GCNT2: variants seen among roughly 807,000 people sequenced by gnomAD.
GCNT2 encodes the protein glucosaminyl (N-acetyl) transferase 2 (I blood group).
In GCNT2, 34 loss-of-function variants were observed where a neutral mutation model predicts 34.2. The observed-to-expected ratio is 1.00, with a 90% CI of 0.76 to 1.32. GCNT2 has a LOEUF of 1.32. Ranked by LOEUF, GCNT2 falls within the 40% of genes most tolerant of loss-of-function variation. The pLI, the probability that GCNT2 is intolerant of heterozygous loss-of-function variation, is 0.00. For synonymous variants in GCNT2, 212 were observed against 188.0 expected (o/e 1.13, Z -1.04); for missense variants, 584 against 489.4 (o/e 1.19, Z -1.82).
At chr6:10,541,985 T>C (rs1480373309) in intron 3 of GCNT2, among the ~76,000 whole-genome samples, 2 of 152,120 alleles carry the variant, frequency 1.3e-5, no homozygotes, top group Non-Finnish European at 2.9e-5. Context: ...TAGGGAGCTT[T>C]ATATCTTTGC....
intron 3 of GCNT2, among the ~76,000 whole-genome samples, chr6:10,531,058 G>A (rs1257657474): frequency 1.7e-4 from 23 of 136,276 alleles, no homozygotes; most frequent in South Asian, 2.3e-4. Flanking sequence ...AAAAAAAAAA[G>A]ATTTCTAGAC....
intron 3 of GCNT2, among the ~76,000 whole-genome samples, chr6:10,570,968 C>T (rs573206373): frequency 2.0e-4 from 30 of 152,194 alleles, no homozygotes; most frequent in Non-Finnish European, 3.7e-4. Flanking sequence ...TAAACCAAGC[C>T]TCTCAGGTAC....
At chr6:10,606,039 G>T (rs1765298070) in intron 3 of GCNT2, among the ~76,000 whole-genome samples, 1 of 152,186 alleles carries the variant, frequency 6.6e-6, no homozygotes, top group Admixed American at 6.5e-5. Context: ...CTTTGGCCAG[G>T]TGCGGTGGCT....
At chr6:10,538,017 C>T (rs754203363) in intron 3 of GCNT2, among the ~76,000 whole-genome samples, 7 of 152,084 alleles carry the variant, frequency 4.6e-5, no homozygotes, top group African/African-American at 1.7e-4. Flanking sequence ...AGTATCCTAC[C>T]GCACCTCGTT....
intron 3 of GCNT2, among the ~76,000 whole-genome samples, chr6:10,613,211 C>G (rs187319331): frequency 2.6e-4 from 39 of 152,264 alleles, no homozygotes; most frequent in Non-Finnish European, 5.0e-4. Context: ...TTCAAAGAAT[C>G]ATGTTTAACA....
rs776850375 is a variant in GCNT2 at position 10,529,556 on chromosome 6, C to G, written c.645C>G (p.Ile215Met). ...QYLKGFKGKN[I>M]TPGVLPPDHA... ...TGAAGGGATTTAAAGGGAAAAATATCACCCCCGGAGTGCTGCCTCCTGACC... is the reference window on the plus strand; with the variant it reads ...TGAAGGGATTTAAAGGGAAAAATATGACCCCCGGAGTGCTGCCTCCTGACC... Residue 215 changes from isoleucine to methionine, a missense_variant, in exon 3 of 5, where the codon ATC becomes ATG. Transcript: ENST00000495262. The G allele has an allele frequency of 6.2e-7, 1 of 1,614,178 alleles. No homozygotes were observed. The highest frequency in any genetic ancestry group is 1.7e-5 in the Admixed American group (1 of 60,028).
intron 3 of GCNT2, among the ~76,000 whole-genome samples, chr6:10,582,185 ATTT>A (rs1271408453): frequency 7.7e-6 from 1 of 129,746 alleles, no homozygotes; most frequent in Non-Finnish European, 1.5e-5. Flanking sequence ...TATAAAATAT[ATTT>A]TTATATAATA....
intron 3 of GCNT2, among the ~76,000 whole-genome samples, chr6:10,538,408 CAAAAAAAA>C (rs70991023): frequency 6.7e-4 from 27 of 40,176 alleles, no homozygotes; most frequent in African/African-American, 2.2e-3. Flanking sequence ...GACTCCGTCT[CAAAAAAAA>C]AAAAAAAAAA....
At chr6:10,557,245 T>G (rs1468166204) in intron 3 of GCNT2, 8 of 1,600,136 alleles carry the variant, frequency 5.0e-6, no homozygotes, top group Non-Finnish European at 6.8e-6. Flanking sequence ...TTGCCAACTT[T>G]GTTCTGCATG....
chr6:10,567,434 G>A (rs1763333255), intron 3 of GCNT2, among the ~76,000 whole-genome samples: 1 of 152,158 alleles, frequency 6.6e-6, no homozygotes, highest in South Asian at 2.1e-4. Flanking sequence ...TCCAGCCCTG[G>A]CAACAGAGCA....
At chr6:10,620,754 T>G (rs1766001517) in intron 3 of GCNT2, among the ~76,000 whole-genome samples, 2 of 152,208 alleles carry the variant, frequency 1.3e-5, no homozygotes, top group South Asian at 4.1e-4. Context: ...CTTCAATCTC[T>G]ATGACCTATC....
rs148665139 is a variant in GCNT2 at position 10,586,328 on chromosome 6, C to G, written c.926-35023C>G. ...AGGACTTTGACACCTTTGAAAGGCT[C>G]TTTAGGGCTATCTATATGCCCCAAA... On this transcript the variant is annotated intron_variant, in intron 3 of 4. Coordinates refer to ENST00000495262, the MANE Select transcript of GCNT2 (RefSeq NM_145649.5). 1.0e-4 allele frequency: 165 copies of G among 1,614,158 alleles called. No homozygotes were observed. The African/African-American group carries it at 1.8e-3, about 18-fold the overall frequency.
chr6:10,566,517 C>A (rs1349643398), intron 3 of GCNT2, among the ~76,000 whole-genome samples: 1 of 152,196 alleles, frequency 6.6e-6, no homozygotes, highest in Non-Finnish European at 1.5e-5. Context: ...TGATCTTGAA[C>A]TCCTGGCCTC....
chr6:10,561,362 G>A (rs1037482554), intron 3 of GCNT2, among the ~76,000 whole-genome samples: 4 of 152,066 alleles, frequency 2.6e-5, no homozygotes, highest in Middle Eastern at 3.2e-3. Flanking sequence ...GGGTTTCTCC[G>A]TGTTGGTCAG....
intron 3 of GCNT2, among the ~76,000 whole-genome samples, chr6:10,537,380 C>T (rs1195612992): frequency 1.3e-5 from 2 of 152,120 alleles, no homozygotes; most frequent in Non-Finnish European, 2.9e-5. Flanking sequence ...AGAAACTCAT[C>T]GCAAGTGGAA....
intron 3 of GCNT2, among the ~76,000 whole-genome samples, chr6:10,609,757 G>C (rs965928419): frequency 6.6e-6 from 1 of 151,692 alleles, no homozygotes; most frequent in African/African-American, 2.4e-5. Context: ...CTTGAGGGAG[G>C]AGATAAGCAT....
Position 10,529,336 on chromosome 6 carries a change from A to T in GCNT2, c.425A>T (p.Gln142Leu), listed in dbSNP as rs775172993. 30 of 1,614,050 alleles carry T rather than the reference A, an allele frequency of 1.9e-5. No individual in the cohort carries two copies. The African/African-American group carries it at 2.8e-4, about 15-fold the overall frequency. The change falls in exon 3 of 5, where the codon CAG becomes CTG. Residue 142 changes from glutamine to leucine, a missense_variant. Physicochemically the swap from Gln to Leu is moderately radical, Grantham distance 113 (BLOSUM62 -2). Transcript: ENST00000495262. ...ATDAFKGAVK[Q>L]LLSCFPNAFL... Reference sequence around the variant, plus strand: ...GATGCCTTTAAAGGTGCAGTGAAACAGTTACTCAGCTGCTTCCCAAATGCT... The same window carrying T: ...GATGCCTTTAAAGGTGCAGTGAAACTGTTACTCAGCTGCTTCCCAAATGCT...
chr6:10,523,437 A>G (rs1488265924), intron 1 of GCNT2, among the ~76,000 whole-genome samples: 1 of 151,894 alleles, frequency 6.6e-6, no homozygotes, highest in Non-Finnish European at 1.5e-5. Flanking sequence ...AAAAGAAAAA[A>G]AAAAAAAAAA....
chr6:10,528,084 G>C (rs1000186442), intron 2 of GCNT2, among the ~76,000 whole-genome samples: 2 of 152,056 alleles, frequency 1.3e-5, no homozygotes, highest in Non-Finnish European at 2.9e-5. Flanking sequence ...TCGTTTTGTT[G>C]TTTTAAAAAA....
Sources: allele counts gnomAD v4.1 joint callset (sites outside exome capture counted in the v4.1 genomes callset), GRCh38; gene constraint gnomAD v4.1.1; transcripts MANE v1.5; gene names NCBI Gene and HGNC (gene_info 2026-07-23, HGNC 2026-07-21).